Variants in DIABLO observed in about 807,000 individuals in gnomAD.
The protein encoded by DIABLO is diablo homolog, mitochondrial.
Under a neutral mutation model 31.7 loss-of-function variants are expected in DIABLO, and 32 were observed. That is an observed-to-expected ratio of 1.01 (90% CI 0.76 to 1.35). The LOEUF is 1.35. Among genes scored for constraint, DIABLO ranks in the 40% most tolerant of loss-of-function variants. DIABLO has a pLI of 0.00. For synonymous variants in DIABLO, 132 were observed against 103.2 expected (o/e 1.28, Z -1.69); for missense variants, 316 against 286.4 (o/e 1.10, Z -0.75).
At chr12:122,224,734 G>T (rs746632018) in intron 1 of DIABLO, 90 bp from the exon 2 acceptor site, 1 of 1,611,670 alleles carries the variant, frequency 6.2e-7, no homozygotes, top group African/African-American at 1.3e-5. Flanking sequence ...ACTCAAACTC[G>T]AGCCAAGCAG....
intron 5 of DIABLO, among the ~76,000 whole-genome samples, chr12:122,215,567 G>T (rs1337921426): frequency 6.6e-6 from 1 of 152,126 alleles, no homozygotes; most frequent in Non-Finnish European, 1.5e-5. Flanking sequence ...TGGCGCCAGT[G>T]CACTCCAGCC....
chr12:122,210,371 C>CTTTT (rs11312074), intron 5 of DIABLO, among the ~76,000 whole-genome samples: 2 of 73,828 alleles, frequency 2.7e-5, no homozygotes, highest in African/African-American at 4.5e-5. Flanking sequence ...CCATTTCTAC[C>CTTTT]TTTTTTTTTT....
rs1194245174 is a variant in DIABLO, at chr12:122,207,876, CT to C, written c.*504del. On this transcript the variant is annotated 3_prime_UTR_variant, in exon 6 of 6. Coordinates refer to ENST00000464942, the MANE Select transcript of DIABLO (RefSeq NM_001371333.1). ...TTTTCACTCCTTGGCCTCAGCTGTC[CT>C]CACAGGACAGTGGGGGCAGATCAGA... 1 of 460,686 alleles carries C rather than the reference CT, an allele frequency of 2.2e-6. No homozygotes were observed. The highest frequency in any genetic ancestry group is 6.9e-5 in the East Asian group (1 of 14,546). The allele number at this position is 460,686 out of a possible 1,614,324, so 28.5% of individuals were successfully genotyped here. A position where few individuals can be genotyped will look rare whatever the true frequency, so the allele number is the denominator to read the frequency against.
chr12:122,216,877 T>TAGAGAATGAAC lies in DIABLO; in HGVS notation c.316-19_316-9dup, dbSNP rs1566025021. On this transcript the variant is annotated splice_polypyrimidine_tract_variant and intron_variant, in intron 3 of 5. Coordinates refer to ENST00000464942, the MANE Select transcript of DIABLO (RefSeq NM_001371333.1). ...AGTTAAGGTATAAACAGCCTACAAATAGAGAATGAACAAGTCTGAGTAAAG... is the reference window on the plus strand; with the variant it reads ...AGTTAAGGTATAAACAGCCTACAAATAGAGAATGAACAGAGAATGAACAAGTCTGAGTAAAG... 1.2e-6 allele frequency: 2 copies of TAGAGAATGAAC among 1,604,902 alleles called. No individual in the cohort carries two copies. The highest frequency in any genetic ancestry group is 2.2e-5 in the South Asian group (2 of 90,862).
At chr12:122,218,935 A>G (rs1351718824) in intron 2 of DIABLO, among the ~76,000 whole-genome samples, 6 of 108,702 alleles carry the variant, frequency 5.5e-5, no homozygotes, top group African/African-American at 2.2e-4. Context: ...AGCAAGACTA[A>G]AAAAAAAAAA....
At chr12:122,210,556 A>T (rs1268076704) in intron 5 of DIABLO, among the ~76,000 whole-genome samples, 2 of 149,802 alleles carry the variant, frequency 1.3e-5, no homozygotes, top group Middle Eastern at 3.2e-3. Flanking sequence ...TATTTTTTTT[A>T]TTTTAGTAGA....
chr12:122,214,934 A>G (rs1287177101), intron 5 of DIABLO, among the ~76,000 whole-genome samples: 3 of 151,612 alleles, frequency 2.0e-5, no homozygotes, highest in Non-Finnish European at 1.5e-5. Flanking sequence ...CAAGTGACCC[A>G]CCTCAAGTGA....
chr12:122,225,686 G>A (rs1401155590), intron 1 of DIABLO: 2 of 1,392,360 alleles, frequency 1.4e-6, no homozygotes, highest in Non-Finnish European at 1.9e-6. Context: ...AGTGGCTGAC[G>A]AGGGCTGGTC....
intron 5 of DIABLO, among the ~76,000 whole-genome samples, chr12:122,211,944 T>G (rs925740596): frequency 6.6e-6 from 1 of 152,158 alleles, no homozygotes; most frequent in African/African-American, 2.4e-5. Context: ...AACGTGTCAT[T>G]TAATAAGTTT....
Position 122,218,792 on chromosome 12 carries a change from A to C in DIABLO, c.184-395T>G, listed in dbSNP as rs559597544. Reference sequence around the variant, plus strand: ...CCGTCTCTACTAAAAAAATACAAAAATTAGCTGGGCCGTAGTGGTGTGCGT... The same window carrying C: ...CCGTCTCTACTAAAAAAATACAAAACTTAGCTGGGCCGTAGTGGTGTGCGT... On this transcript the variant is annotated intron_variant, in intron 2 of 5. Coordinates refer to ENST00000464942, the MANE Select transcript of DIABLO (RefSeq NM_001371333.1). 4.8e-5 allele frequency: 14 copies of C among 290,612 alleles called. No homozygotes were observed. The East Asian group carries it at 1.2e-3, about 25-fold the overall frequency. 18.0% of individuals were successfully genotyped at this position (290,612 alleles called of 1,614,324 possible).
At chr12:122,225,528 A>G in intron 1 of DIABLO, 1 of 1,084,416 alleles carries the variant, frequency 9.2e-7, no homozygotes, top group Non-Finnish European at 1.1e-6. Flanking sequence ...ACAATCGCCC[A>G]GGAGCCTGCA....
At chr12:122,215,610 A>AT (rs992101405) in intron 5 of DIABLO, among the ~76,000 whole-genome samples, 6 of 151,390 alleles carry the variant, frequency 4.0e-5, no homozygotes, top group African/African-American at 1.2e-4. Context: ...ATTAAAAAAA[A>AT]TTTTTTTTTC....
Position 122,216,569 on chromosome 12 carries a change from G to C in DIABLO, c.442C>G (p.Gln148Glu), listed in dbSNP as rs774270478. The change falls in exon 5 of 6, where the codon CAA (glutamine) becomes GAA (glutamate). Residue 148 changes from glutamine (Q) to glutamate (E), a missense_variant. Physicochemically the swap from Gln to Glu is conservative, Grantham distance 29. Transcript: ENST00000464942. ...GTGGTTTCCAGCTTCAAGTACTCTTGGTGTTTTGAAGTCATCTATATAAAT... is the reference window on the plus strand; with the variant it reads ...GTGGTTTCCAGCTTCAAGTACTCTTCGTGTTTTGAAGTCATCTATATAAAT... ...GARAEMTSKH[Q>E]EYLKLETTWM... 2 of 1,614,150 alleles carry C rather than the reference G, an allele frequency of 1.2e-6. No individual in the cohort carries two copies. Among genetic ancestry groups the C allele is most frequent in the Admixed American group, 1.7e-5 (1 of 60,034 alleles).
Position 122,208,431 on chromosome 12 carries a change from C to G in DIABLO, c.670G>C (p.Gly224Arg). ...EELRQKTQEE[G>R]EERAESEQEA... ...TGCTCCGACTCAGCCCGCTCCTCCC[C>G]TTCCTCCTGTGTTTTCTGACGGAGC... Residue 224 changes from glycine (G) to arginine (R), a missense_variant, in exon 6 of 6, where the codon GGG (glycine) becomes CGG (arginine). Transcript: ENST00000464942. 1.2e-6 allele frequency: 2 copies of G among 1,613,946 alleles called. No individual in the cohort carries two copies. The highest frequency in any genetic ancestry group is 1.7e-6 in the Non-Finnish European group (2 of 1,180,048).
In DIABLO at chr12:122,217,035, G is replaced by GACA. The variant is rs992639421; in HGVS notation, c.316-169_316-167dup. 10 of 619,466 alleles carry GACA rather than the reference G, an allele frequency of 1.6e-5. No homozygotes were observed. In the African/African-American group the frequency reaches 1.7e-4, roughly 10 times the overall value. 38.4% of individuals were successfully genotyped at this position (619,466 alleles called of 1,614,324 possible). Reference sequence around the variant, plus strand: ...TTATCCTATGAAGTAAAGGTATCAGGACATTAGTATCTCCATCTGTAAACT... The same window carrying GACA: ...TTATCCTATGAAGTAAAGGTATCAGGACAACATTAGTATCTCCATCTGTAAACT... On this transcript the variant is annotated intron_variant, in intron 3 of 5. Transcript: ENST00000464942.
upstream of DIABLO, chr12:122,226,378 G>A (rs1441565191): frequency 5.1e-6 from 3 of 589,108 alleles, no homozygotes; most frequent in Non-Finnish European, 6.0e-6. Flanking sequence ...GGCGGGGCCG[G>A]GCGGGAGGCG....
chr12:122,212,656 G>C (rs570129046), intron 5 of DIABLO, among the ~76,000 whole-genome samples: 2 of 146,484 alleles, frequency 1.4e-5, no homozygotes, highest in South Asian at 4.4e-4. Flanking sequence ...ATGGAGTCTT[G>C]CTCTGTTGCC....
chr12:122,215,873 T>C (rs1265105083), intron 5 of DIABLO, among the ~76,000 whole-genome samples: 1 of 114,794 alleles, frequency 8.7e-6, no homozygotes, highest in Non-Finnish European at 1.7e-5. Flanking sequence ...CCCATCTCTA[T>C]TTTATGAAGG....
chr12:122,226,038 GCA>G lies in DIABLO; in HGVS notation c.-26_-25del. The G allele has an allele frequency of 1.3e-6, 2 of 1,596,530 alleles. No homozygotes were observed. The highest frequency in any genetic ancestry group is 1.7e-6 in the Non-Finnish European group (2 of 1,173,426). ...ATTGTGCAGCGCGCGGACGCCAGAC[GCA>G]CACGCCGGAAGTGACGCAGCTTCGT... On this transcript the variant is annotated 5_prime_UTR_variant, in exon 1 of 6. Coordinates refer to ENST00000464942, the MANE Select transcript of DIABLO (RefSeq NM_001371333.1).
Sources: gnomAD v4.1 joint callset for allele counts (sites outside exome capture counted in the v4.1 genomes callset) on GRCh38, gnomAD v4.1.1 for gene constraint, MANE v1.5 for transcripts, NCBI Gene and HGNC (gene_info 2026-07-23, HGNC 2026-07-21) for gene names.